Variants in CDK4 observed in about 807,000 individuals in gnomAD.
CDK4 encodes cyclin-dependent kinase 4.
Under a neutral mutation model 36.7 loss-of-function variants are expected in CDK4, and 13 were observed. That is an observed-to-expected ratio of 0.35 (90% confidence interval 0.23 to 0.56). The LOEUF is 0.56. Among genes scored for constraint, CDK4 ranks in the 20% least tolerant of loss-of-function variants. The probability of loss-of-function intolerance (pLI) is 0.85; values close to 1 mark genes in which losing one functional copy is unlikely to be tolerated. For missense variants in CDK4, 285 were observed against 387.3 expected, an observed-to-expected ratio of 0.74 and a Z score of 2.22; for synonymous variants, 158 against 146.4, an observed-to-expected ratio of 1.08 and a Z score of -0.57.
In CDK4 at chr12:57,751,410, G is replaced by C. The variant is rs1389849752; in HGVS notation, c.219-68C>G. ...ACATGGCCTCTCATTATTTCCTCAG[G>C]GTCCCCACTTCTCTACAGATCATCA... On this transcript the variant is annotated intron_variant, in intron 2 of 7. Coordinates refer to ENST00000257904, the MANE Select transcript of CDK4 (RefSeq NM_000075.4). The surrounding 1 kb of genome is among the most constrained non-coding windows in gnomAD (Gnocchi z 4.5). 19 of 1,612,022 alleles carry C rather than the reference G, an allele frequency of 1.2e-5. No homozygotes were observed. Among genetic ancestry groups the C allele is most frequent in the Admixed American group, 3.3e-5 (2 of 59,968 alleles).
Position 57,751,631 on chromosome 12 carries a change from G to A in CDK4, c.87C>T (p.Gly29=), listed in dbSNP as rs1555201376. 6.2e-7 allele frequency: 1 copy of A among 1,614,074 alleles called. No homozygotes were observed. Among genetic ancestry groups the A allele is most frequent in the African/African-American group, 1.3e-5 (1 of 74,924 alleles). Residue 29 remains glycine (G), a synonymous_variant, in exon 2 of 8, where the codon GGC becomes GGT. Coordinates refer to ENST00000257904, the MANE Select transcript of CDK4 (RefSeq NM_000075.4). This position sits in a 1 kb window ranked among gnomAD's most constrained non-coding sequence, Gnocchi z 4.5. ...TCACACTCTTGAGGGCCACAAAGTG[G>A]CCACTGTGGGGATCACGGGCCTTGT... The part of the protein sequence containing the change: ...TVYKARDPHS[G]HFVALKSVRV...
rs1306187762 is a variant in CDK4, at chr12:57,747,742, A to T, written c.*783T>A. 6.2e-6 allele frequency: 1 copy of T among 160,700 alleles called. No homozygotes were observed. The highest frequency in any genetic ancestry group is 1.4e-5 in the Non-Finnish European group (1 of 73,418). 10.0% of individuals were successfully genotyped at this position (160,700 alleles called of 1,614,324 possible). A position where few individuals can be genotyped will look rare whatever the true frequency, so the allele number is the denominator to read the frequency against. ...AAAAGTAAAAGCCATTTAAAAATCTATATTCTTTTTTTTTTTTTGACACAG... is the reference window on the plus strand; with the variant it reads ...AAAAGTAAAAGCCATTTAAAAATCTTTATTCTTTTTTTTTTTTTGACACAG... On this transcript the variant is annotated 3_prime_UTR_variant, in exon 8 of 8. Transcript: ENST00000257904.
At position 57,748,562 on chromosome 12, in the gene CDK4, T is replaced by C; in HGVS notation, c.875A>G (p.His292Arg). ...ACCTTCATCCTTATGTAGATAAGAG[T>C]GCTGCAGAGCTCGAAAGGCAGAGAT... ...KRISAFRALQ[H>R]SYLHKDEGNP... The change falls in exon 8 of 8, where the codon CAC becomes CGC. Residue 292 changes from histidine to arginine, a missense_variant. Transcript: ENST00000257904. 1 of 1,613,888 alleles carries C rather than the reference T, an allele frequency of 6.2e-7. No individual in the cohort carries two copies. The highest frequency in any genetic ancestry group is 8.5e-7 in the Non-Finnish European group (1 of 1,179,842).
chr12:57,749,997 A>T (rs1332202436), intron 5 of CDK4: 1 of 166,646 alleles, frequency 6.0e-6, no homozygotes, highest in African/African-American at 2.4e-5. Context: ...CTCCATCTAA[A>T]AAAAAAAAAA....
rs1255074190 is a variant in CDK4, at chr12:57,748,624, G to C, written c.820-7C>G. 6.2e-7 allele frequency: 1 copy of C among 1,606,236 alleles called. No homozygotes were observed. The highest frequency in any genetic ancestry group is 8.5e-7 in the Non-Finnish European group (1 of 1,172,838). On this transcript the variant is annotated splice_polypyrimidine_tract_variant and splice_region_variant and intron_variant, in intron 7 of 7. Coordinates refer to ENST00000257904, the MANE Select transcript of CDK4 (RefSeq NM_000075.4). ...GGTTAAAAGTCAGCATTTCCTGAGG[G>C]GAGAGGCAAAGGTCAGAAAACCATG...
intron 5 of CDK4, 107 bp from the exon 6 acceptor site, chr12:57,749,611 A>T: frequency 9.2e-7 from 1 of 1,091,014 alleles, no homozygotes. Context: ...AAAGGCCAAC[A>T]ATTCCAGCAC....
chr12:57,750,534 T>A, intron 5 of CDK4, 122 bp downstream of exon 5: 1 of 774,632 alleles, frequency 1.3e-6, no homozygotes, highest in South Asian at 1.4e-5. Context: ...GCCATTGCAA[T>A]CCAGCCTGGG....
rs1276085061 is a variant in CDK4 at position 57,747,924 on chromosome 12, T to C, written c.*601A>G. The C allele has an allele frequency of 5.3e-6, 1 of 187,442 alleles. No homozygotes were observed. Among genetic ancestry groups the C allele is most frequent in the Non-Finnish European group, 1.1e-5 (1 of 88,648 alleles). The allele number at this position is 187,442 out of a possible 1,614,324, so 11.6% of individuals were successfully genotyped here. A position where few individuals can be genotyped will look rare whatever the true frequency, so the allele number is the denominator to read the frequency against. On this transcript the variant is annotated 3_prime_UTR_variant, in exon 8 of 8. Transcript: ENST00000257904. Reference sequence around the variant, plus strand: ...CGCCTGACTAATTTTGTATTTTTAGTAGAGACAGGGTTTCACCATGTTAGT... The same window carrying C: ...CGCCTGACTAATTTTGTATTTTTAGCAGAGACAGGGTTTCACCATGTTAGT...
rs1333040490 is a variant in CDK4, at chr12:57,751,547, C to T, written c.171G>A (p.Val57=). The change falls in exon 2 of 8, where the codon GTG becomes GTA. Residue 57 remains valine, a synonymous_variant. Coordinates refer to ENST00000257904, the MANE Select transcript of CDK4 (RefSeq NM_000075.4). This position sits in a 1 kb window ranked among gnomAD's most constrained non-coding sequence, Gnocchi z 4.5. The stretch of plus-strand genomic sequence containing the variant: ...AAGCCTCCAGTCGCCTCAGTAAAGC[C>T]ACCTCACGAACTGTGCTGATGGGAA... ...GGLPISTVRE[V]ALLRRLEAFE... The T allele has an allele frequency of 1.2e-6, 2 of 1,614,186 alleles. No individual in the cohort carries two copies. Among genetic ancestry groups the T allele is most frequent in the South Asian group, 2.2e-5 (2 of 91,080 alleles).
rs766166813 is a variant in CDK4, at chr12:57,751,229, C to G, written c.332G>C (p.Gly111Ala). 1 of 1,614,208 alleles carries G rather than the reference C, an allele frequency of 6.2e-7. No individual in the cohort carries two copies. Among genetic ancestry groups the G allele is most frequent in the South Asian group, 1.1e-5 (1 of 91,080 alleles). ...CACCTTGATCGTTTCGGCTGGCAAG[C>G]CTGGTGGGGGTGCCTTGTCCAGATA... ...RTYLDKAPPP[G>A]LPAETIKDLM... is the part of the protein sequence containing the mutation. Residue 111 changes from glycine to alanine, a missense_variant, in exon 3 of 8, where the codon GGC becomes GCC. Gly to Ala is a moderately conservative substitution (Grantham distance 60). Transcript: ENST00000257904. This position sits in a 1 kb window ranked among gnomAD's most constrained non-coding sequence, Gnocchi z 4.5.
Position 57,751,014 on chromosome 12 carries a change from T to C in CDK4, c.431A>G (p.Glu144Gly), listed in dbSNP as rs863224603. Residue 144 changes from glutamate to glycine, a missense_variant, in exon 4 of 8, where the codon GAG becomes GGG. Physicochemically the swap from Glu to Gly is moderately conservative, Grantham distance 98. Transcript: ENST00000257904. This position sits in a 1 kb window ranked among gnomAD's most constrained non-coding sequence, Gnocchi z 4.5. ...TCCACCACTTGTCACCAGAATGTTCTCTGGCTTCAGATCTCGGTGAACGAT... is the reference window on the plus strand; with the variant it reads ...TCCACCACTTGTCACCAGAATGTTCCCTGGCTTCAGATCTCGGTGAACGAT... ...NCIVHRDLKP[E>G]NILVTSGGTV... The C allele has an allele frequency of 1.5e-5, 24 of 1,614,074 alleles. No homozygotes were observed. The highest frequency in any genetic ancestry group is 1.8e-5 in the Non-Finnish European group (21 of 1,180,040).
In CDK4 at chr12:57,751,388, T is replaced by C; in HGVS notation, c.219-46A>G. 6.2e-7 allele frequency: 1 copy of C among 1,613,852 alleles called. No homozygotes were observed. Among genetic ancestry groups the C allele is most frequent in the Non-Finnish European group, 8.5e-7 (1 of 1,179,894 alleles). On this transcript the variant is annotated intron_variant, in intron 2 of 7. Transcript: ENST00000257904. The surrounding 1 kb of genome is among the most constrained non-coding windows in gnomAD (Gnocchi z 4.5). ...CTTTTCAATCCCCTTTAACCCAACA[T>C]GGCCTCTCATTATTTCCTCAGGGTC... is the stretch of plus-strand genomic sequence containing the variant.
At position 57,751,349 on chromosome 12, in the gene CDK4, A is replaced by G. The variant is rs543798269; in HGVS notation, c.219-7T>C. 8 of 1,614,078 alleles carry G rather than the reference A, an allele frequency of 5.0e-6. No homozygotes were observed. Among genetic ancestry groups the G allele is most frequent in the Non-Finnish European group, 6.8e-6 (8 of 1,180,036 alleles). On this transcript the variant is annotated splice_polypyrimidine_tract_variant and splice_region_variant and intron_variant, in intron 2 of 7. Transcript: ENST00000257904. The surrounding 1 kb of genome is among the most constrained non-coding windows in gnomAD (Gnocchi z 4.5). ...GGCACAGACGTCCATCAGCCTGACC[A>G]GAGTAAATGCTCACTTTTCAATCCC...
chr12:57,749,159 G>A (rs2140382501), intron 7 of CDK4, 23 bp downstream of exon 7: 1 of 1,613,832 alleles, frequency 6.2e-7, no homozygotes, highest in Non-Finnish European at 8.5e-7. Context: ...TTCTTTCCCT[G>A]TGCCCACAGC....
chr12:57,748,377 G>A lies in CDK4; in HGVS notation c.*148C>T. On this transcript the variant is annotated 3_prime_UTR_variant, in exon 8 of 8. Coordinates refer to ENST00000257904, the MANE Select transcript of CDK4 (RefSeq NM_000075.4). ...GAAGCCTCAAAAGGAGAGGTGGGAG[G>A]GGAATGTCATTAAGGCAGCAAAGTA... The A allele has an allele frequency of 1.4e-6, 1 of 737,934 alleles. No individual in the cohort carries two copies. The highest frequency in any genetic ancestry group is 1.7e-5 in the African/African-American group (1 of 58,334). The allele number at this position is 737,934 out of a possible 1,614,324, so 45.7% of individuals were successfully genotyped here. A position where few individuals can be genotyped will look rare whatever the true frequency, so the allele number is the denominator to read the frequency against.
rs587780884 is a variant in CDK4, at chr12:57,751,188, G to A, written c.354+19C>T. On this transcript the variant is annotated intron_variant, in intron 3 of 7. Coordinates refer to ENST00000257904, the MANE Select transcript of CDK4 (RefSeq NM_000075.4). This position sits in a 1 kb window ranked among gnomAD's most constrained non-coding sequence, Gnocchi z 4.5. ...CAAAGGTCCCAATCCACCTCTCAAT[G>A]CCTACCAACCCCACTCACCTTGATC... 2.0e-5 allele frequency: 33 copies of A among 1,613,996 alleles called. No homozygotes were observed. Among genetic ancestry groups the A allele is most frequent in the Non-Finnish European group, 2.7e-5 (32 of 1,180,036 alleles).
chr12:57,750,501 A>T, intron 5 of CDK4, 155 bp downstream of exon 5: 1 of 700,252 alleles, frequency 1.4e-6, no homozygotes, highest in East Asian at 2.7e-5. Flanking sequence ...CAGGAGGTTG[A>T]AGCTGCAGTG....
Position 57,751,534 on chromosome 12 carries a change from G to A in CDK4, c.184C>T (p.Arg62Ter), listed in dbSNP as rs745481376. The change falls in exon 2 of 8, where the codon CGA (arginine) becomes TGA (stop). Residue 62 changes from arginine (R) to a stop codon, truncating the protein, a stop_gained. Transcript: ENST00000257904. LOFTEE classifies it high-confidence loss of function. This position sits in a 1 kb window ranked among gnomAD's most constrained non-coding sequence, Gnocchi z 4.5. ...TTGGGATGCTCAAAAGCCTCCAGTC[G>A]CCTCAGTAAAGCCACCTCACGAACT... ...STVREVALLRRLEAFEHPNVV... is the reference protein window; with the variant it reads ...STVREVALLR 3 of 1,613,906 alleles carry A rather than the reference G, an allele frequency of 1.9e-6. No individual in the cohort carries two copies. Among genetic ancestry groups the A allele is most frequent in the African/African-American group, 1.3e-5 (1 of 74,856 alleles).
rs757333818 is a variant in CDK4 at position 57,749,248 on chromosome 12, G to A, written c.753C>T (p.Pro251=). ...DVSLPRGAFP[P]RGPRPVQSVV... ...CCGACTGCACTGGGCGGGGCCCTCT[G>A]GGGGGAAAGGCTCCACGGGGCAGGG... is the stretch of plus-strand genomic sequence containing the variant. Residue 251 remains proline, a synonymous_variant, in exon 7 of 8, where the codon CCC becomes CCT. Transcript: ENST00000257904. 1 of 1,614,052 alleles carries A rather than the reference G, an allele frequency of 6.2e-7. No homozygotes were observed. The highest frequency in any genetic ancestry group is 8.5e-7 in the Non-Finnish European group (1 of 1,179,906).
Sources: allele counts gnomAD v4.1 joint callset, GRCh38; gene constraint gnomAD v4.1.1; non-coding constraint Gnocchi (gnomAD v3.1); transcripts MANE v1.5; gene names NCBI Gene and HGNC (gene_info 2026-07-23, HGNC 2026-07-21).